The following SLC13A1 variants were observed in gnomAD, a reference collection of about 807,000 sequenced individuals.
The protein encoded by SLC13A1 is solute carrier family 13 member 1.
In SLC13A1, 65 loss-of-function variants were observed where a neutral mutation model predicts 70.0. The ratio of observed to expected loss-of-function variants is 0.93; its 90% CI spans 0.76 to 1.14. SLC13A1 has a LOEUF of 1.14. Among genes scored for constraint, SLC13A1 ranks in the 50% most tolerant of loss-of-function variants. SLC13A1 has a pLI of 0.00. For synonymous variants in SLC13A1, 275 were observed against 250.5 expected, an observed-to-expected ratio of 1.10 and a Z score of -0.92; for missense variants, 726 against 717.8, an observed-to-expected ratio of 1.01 and a Z score of -0.13.
rs748734642 is a variant in SLC13A1, at chr7:123,119,184, G to C, written c.1409C>G (p.Ala470Gly). Residue 470 changes from alanine to glycine, a missense_variant, in exon 13 of 15, where the codon GCA (alanine) becomes GGA (glycine). Ala to Gly is a moderately conservative substitution (Grantham distance 60). Coordinates refer to ENST00000194130, the MANE Select transcript of SLC13A1 (RefSeq NM_022444.4). ...AGAAGATATCAGAATTATTAGCCAT[G>C]CTGGTAATGAACCCAGAGGAGATAA... ...NKLSPLGSLP[A>G]WLIILISSLM... 10 of 1,612,674 alleles carry C rather than the reference G, an allele frequency of 6.2e-6. No homozygotes were observed. Among genetic ancestry groups the C allele is most frequent in the African/African-American group, 1.3e-5 (1 of 74,976 alleles).
intron 8 of SLC13A1, among the ~76,000 whole-genome samples, chr7:123,130,329 G>T (rs549789931): frequency 2.4e-3 from 373 of 152,246 alleles, no homozygotes; most frequent in Non-Finnish European, 4.4e-3. Flanking sequence ...TCCCATCAAT[G>T]ATAGACTGGA....
intron 1 of SLC13A1, among the ~76,000 whole-genome samples, chr7:123,195,659 C>T (rs1796154560): frequency 6.6e-6 from 1 of 151,976 alleles, no homozygotes; most frequent in Admixed American, 6.6e-5. Context: ...TTTCTATTCT[C>T]ACTTTGAAAG....
chr7:123,180,105 C>A (rs1009419592), intron 2 of SLC13A1, among the ~76,000 whole-genome samples: 1 of 151,874 alleles, frequency 6.6e-6, no homozygotes, highest in Admixed American at 6.6e-5. Flanking sequence ...GAGGGGAAAA[C>A]CCAGTAAGAA....
At position 123,115,651 on chromosome 7, in the gene SLC13A1, T is replaced by A; in HGVS notation, c.1655A>T (p.Lys552Ile). The change falls in exon 15 of 15, where the codon AAA (lysine) becomes ATA (isoleucine). Residue 552 changes from lysine to isoleucine, a missense_variant. Physicochemically the swap from Lys to Ile is moderately radical, Grantham distance 102 (BLOSUM62 -3). Coordinates refer to ENST00000194130, the MANE Select transcript of SLC13A1 (RefSeq NM_022444.4). ...YGHLKVIDMV[K>I]AGLGVNIVGV... ...AACAATGTTGACACCAAGTCCAGCT[T>A]TAACCTTGAACAGGAAAGAGCATAA... is the stretch of plus-strand genomic sequence containing the variant. The A allele has an allele frequency of 6.2e-7, 1 of 1,613,666 alleles. No individual in the cohort carries two copies. Among genetic ancestry groups the A allele is most frequent in the African/African-American group, 1.3e-5 (1 of 75,038 alleles).
intron 1 of SLC13A1, among the ~76,000 whole-genome samples, chr7:123,191,165 T>C (rs1037538278): frequency 6.6e-6 from 1 of 152,164 alleles, no homozygotes; most frequent in African/African-American, 2.4e-5. Context: ...ATGGGTCTTA[T>C]CTTGACACCC....
At chr7:123,131,129 C>T (rs1392587527) in intron 8 of SLC13A1, among the ~76,000 whole-genome samples, 2 of 152,162 alleles carry the variant, frequency 1.3e-5, no homozygotes, top group Non-Finnish European at 2.9e-5. Context: ...TTCATAATCA[C>T]CTTCATGCAT....
At chr7:123,128,670 A>G (rs2470980) in intron 10 of SLC13A1, among the ~76,000 whole-genome samples, 175 bp downstream of exon 10, 4,446 of 152,270 alleles carry the variant, frequency 0.029, 211 homozygotes, top group African/African-American at 0.1. Flanking sequence ...CTGTGCTCTT[A>G]TCCTAGATTT....
At chr7:123,139,224 T>C (rs1794051413) in intron 7 of SLC13A1, among the ~76,000 whole-genome samples, 1 of 152,082 alleles carries the variant, frequency 6.6e-6, no homozygotes, top group Non-Finnish European at 1.5e-5. Flanking sequence ...GAGTTCACTG[T>C]AGGTGTATGG....
intron 12 of SLC13A1, 103 bp from the exon 13 acceptor site, chr7:123,119,345 C>T: frequency 1.2e-6 from 1 of 849,418 alleles, no homozygotes; most frequent in Non-Finnish European, 1.7e-6. Context: ...AACTCACTTT[C>T]TAAAATATAA....
At chr7:123,138,442 G>A (rs1179853597) in intron 7 of SLC13A1, among the ~76,000 whole-genome samples, 1 of 152,124 alleles carries the variant, frequency 6.6e-6, no homozygotes, top group East Asian at 1.9e-4. Flanking sequence ...CCTGCAGTGG[G>A]ATTGCTGAAT....
intron 8 of SLC13A1, among the ~76,000 whole-genome samples, chr7:123,130,351 T>C (rs1276179135): frequency 6.6e-6 from 1 of 152,182 alleles, no homozygotes; most frequent in African/African-American, 2.4e-5. Context: ...AAATAAAATG[T>C]GGTACATATA....
chr7:123,131,220 A>C (rs1384679403), intron 8 of SLC13A1, among the ~76,000 whole-genome samples: 1 of 152,214 alleles, frequency 6.6e-6, no homozygotes, highest in East Asian at 1.9e-4. Flanking sequence ...TTACAATCTC[A>C]GTTAAATTAC....
At chr7:123,161,504 T>C (rs993990050) in intron 6 of SLC13A1, among the ~76,000 whole-genome samples, 2 of 152,148 alleles carry the variant, frequency 1.3e-5, no homozygotes, top group African/African-American at 4.8e-5. Context: ...AATAGAATAA[T>C]TTCTAAGTAC....
intron 2 of SLC13A1, 77 bp from the exon 3 acceptor site, chr7:123,171,981 C>T: frequency 7.2e-7 from 1 of 1,385,630 alleles, no homozygotes; most frequent in East Asian, 2.4e-5. Flanking sequence ...CATTATTATG[C>T]TGCTCTTAAT....
In SLC13A1 at chr7:123,128,831, C is replaced by T. The variant is rs377135418; in HGVS notation, c.1133+14G>A. ...AAACAGGAAGGGCTGACAAACATAA[C>T]GTGCAAAGCTTACTCTGAAAAAAGT... On this transcript the variant is annotated intron_variant, in intron 10 of 14. Transcript: ENST00000194130. 103 of 1,571,406 alleles carry T rather than the reference C, an allele frequency of 6.6e-5. No individual in the cohort carries two copies. The highest frequency in any genetic ancestry group is 8.1e-5 in the Non-Finnish European group (92 of 1,142,452).
chr7:123,196,009 GA>G (rs1009397653), intron 1 of SLC13A1, among the ~76,000 whole-genome samples: 2 of 151,916 alleles, frequency 1.3e-5, no homozygotes, highest in Non-Finnish European at 2.9e-5. Context: ...CCAATAACTG[GA>G]AAAATAAGTA....
At chr7:123,140,461 A>T (rs1794097500) in intron 7 of SLC13A1, among the ~76,000 whole-genome samples, 1 of 151,948 alleles carries the variant, frequency 6.6e-6, no homozygotes, top group Non-Finnish European at 1.5e-5. Context: ...GTTTGAAAGT[A>T]TTCCCTCCTA....
chr7:123,115,913 C>T (rs1203645935), intron 14 of SLC13A1, among the ~76,000 whole-genome samples: 4 of 152,086 alleles, frequency 2.6e-5, no homozygotes, highest in Non-Finnish European at 5.9e-5. Context: ...CTTCTCCATT[C>T]GTAGCAAGAG....
At position 123,117,627 on chromosome 7, in the gene SLC13A1, A is replaced by T. The variant is rs758599803; in HGVS notation, c.1513-19T>A. On this transcript the variant is annotated intron_variant, in intron 13 of 14. Transcript: ENST00000194130. The stretch of plus-strand genomic sequence containing the variant: ...CTTCGGCCTGTTGTAAGAGATAAAA[A>T]AGAGTCTAAGTAAAATTTTGAGGGT... The T allele has an allele frequency of 1.9e-6, 3 of 1,543,550 alleles. No homozygotes were observed. In the South Asian group the frequency reaches 3.8e-5, roughly 20 times the overall value.
Sources: gnomAD v4.1 joint callset for allele counts (sites outside exome capture counted in the v4.1 genomes callset) on GRCh38, gnomAD v4.1.1 for gene constraint, MANE v1.5 for transcripts, NCBI Gene and HGNC (gene_info 2026-07-23, HGNC 2026-07-21) for gene names.